The following ZC2HC1B variants were observed in gnomAD, a reference collection of about 807,000 sequenced individuals.
ZC2HC1B encodes the protein zinc finger C2HC-type containing 1B.
A neutral mutation model predicts 31.0 loss-of-function variants in ZC2HC1B; 36 were observed. The ratio of observed to expected loss-of-function variants is 1.16; its 90% CI spans 0.89 to 1.54. The LOEUF (loss-of-function observed/expected upper bound fraction) is 1.54. Among genes scored for constraint, ZC2HC1B ranks in the 40% most tolerant of loss-of-function variants. The probability of loss-of-function intolerance (pLI) is 0.00; values close to 1 mark genes in which losing one functional copy is unlikely to be tolerated. For synonymous variants in ZC2HC1B, 73 were observed against 88.0 expected, an observed-to-expected ratio of 0.83 and a Z score of 0.95; for missense variants, 260 against 268.6, an observed-to-expected ratio of 0.97 and a Z score of 0.22.
rs888087526 is a variant in ZC2HC1B, at chr6:143,872,506, C to T, written c.28+7939C>T. On this transcript the variant is annotated intron_variant, in intron 1 of 7. Transcript: ENST00000237275. The surrounding 1 kb of genome is among the most constrained non-coding windows in gnomAD (Gnocchi z 5.5). ...TGCTGCCACTTGGCCCCTGCCACCTCGGGATCCAAATATTCCCACTATATT... is the reference window on the plus strand; with the variant it reads ...TGCTGCCACTTGGCCCCTGCCACCTTGGGATCCAAATATTCCCACTATATT... Among the ~76,000 whole-genome samples the T allele has an allele frequency of 3.3e-5, 5 of 152,132 alleles. No homozygotes were observed. The highest frequency in any genetic ancestry group is 2.6e-4 in the Admixed American group (4 of 15,278).
At chr6:143,873,643 T>C (rs1777371168) in intron 1 of ZC2HC1B, among the ~76,000 whole-genome samples, 1 of 152,216 alleles carries the variant, frequency 6.6e-6, no homozygotes, top group Non-Finnish European at 1.5e-5. Context: ...ACCCGCAAGC[T>C]CAACACCATA....
rs1431363820 is a variant in ZC2HC1B, at chr6:143,922,063, G to T, written c.599-15586G>T. On this transcript the variant is annotated intron_variant, in intron 6 of 7. Coordinates refer to ENST00000237275, the MANE Select transcript of ZC2HC1B (RefSeq NM_001013623.3). This position sits in a 1 kb window ranked among gnomAD's most constrained non-coding sequence, Gnocchi z 5.0. ...AAGGTGAATCTCTAAAGTGTTTAAG[G>T]ACTTGGAGAAAAGTACCAAATGCCT... is the stretch of plus-strand genomic sequence containing the variant. Among the ~76,000 whole-genome samples the T allele has an allele frequency of 6.6e-6, 1 of 152,170 alleles. No homozygotes were observed. Among genetic ancestry groups the T allele is most frequent in the African/African-American group, 2.4e-5 (1 of 41,438 alleles).
rs1777336306 is a variant in ZC2HC1B at position 143,871,519 on chromosome 6, G to T, written c.28+6952G>T. Among the ~76,000 whole-genome samples the T allele has an allele frequency of 6.6e-6, 1 of 152,242 alleles. No individual in the cohort carries two copies. Among genetic ancestry groups the T allele is most frequent in the Middle Eastern group, 3.4e-3 (1 of 294 alleles). On this transcript the variant is annotated intron_variant, in intron 1 of 7. Transcript: ENST00000237275. This position sits in a 1 kb window ranked among gnomAD's most constrained non-coding sequence, Gnocchi z 4.1. The stretch of plus-strand genomic sequence containing the variant: ...TGGCTCAAACAATGAAACCACATCT[G>T]GTACAGCAGCTGCAGTTGGAGTCAT...
rs1265639752 is a variant in ZC2HC1B at position 143,883,183 on chromosome 6, G to GC, written c.29-1120dup. On this transcript the variant is annotated intron_variant, in intron 1 of 7. Coordinates refer to ENST00000237275, the MANE Select transcript of ZC2HC1B (RefSeq NM_001013623.3). This position sits in a 1 kb window ranked among gnomAD's most constrained non-coding sequence, Gnocchi z 4.1. Reference sequence around the variant, plus strand: ...GCCTCCTGAGTAGCTGGGACCACAGGCGCGAGCCACCAAGCCCAACTAATT... The same window carrying GC: ...GCCTCCTGAGTAGCTGGGACCACAGGCCGCGAGCCACCAAGCCCAACTAATT... Among the ~76,000 whole-genome samples the GC allele has an allele frequency of 6.6e-6, 1 of 152,108 alleles. No individual in the cohort carries two copies. The highest frequency in any genetic ancestry group is 2.4e-5 in the African/African-American group (1 of 41,418).
chr6:143,893,908 G>A (rs1376885270), intron 4 of ZC2HC1B, among the ~76,000 whole-genome samples: 1 of 152,032 alleles, frequency 6.6e-6, no homozygotes, highest in Non-Finnish European at 1.5e-5. Flanking sequence ...GGATGGTCTT[G>A]ATCTCCTGAC....
rs966348960 is a variant in ZC2HC1B, at chr6:143,903,940, A to G, written c.598+788A>G. Reference sequence around the variant, plus strand: ...TTATTTTTAAATGTTCTCCATCTGTAGTTGTTAAATCTGCAGATGTGGAAC... The same window carrying G: ...TTATTTTTAAATGTTCTCCATCTGTGGTTGTTAAATCTGCAGATGTGGAAC... On this transcript the variant is annotated intron_variant, in intron 6 of 7. Coordinates refer to ENST00000237275, the MANE Select transcript of ZC2HC1B (RefSeq NM_001013623.3). The surrounding 1 kb of genome is among the most constrained non-coding windows in gnomAD (Gnocchi z 4.3). Among the ~76,000 whole-genome samples the G allele has an allele frequency of 6.6e-6, 1 of 152,126 alleles. No homozygotes were observed. Among genetic ancestry groups the G allele is most frequent in the African/African-American group, 2.4e-5 (1 of 41,420 alleles).
intron 6 of ZC2HC1B, among the ~76,000 whole-genome samples, chr6:143,907,858 A>G (rs999096283): frequency 1.3e-5 from 2 of 152,126 alleles, no homozygotes; most frequent in Non-Finnish European, 2.9e-5. Context: ...GCCCATGCCT[A>G]TGTTCTGAAT....
In ZC2HC1B at chr6:143,924,349, T is replaced by TTATA. The variant is rs374278907; in HGVS notation, c.599-13288_599-13285dup. 6.7e-6 allele frequency among the ~76,000 whole-genome samples: 1 copy of TTATA among 149,588 alleles called. No individual in the cohort carries two copies. Among genetic ancestry groups the TTATA allele is most frequent in the South Asian group, 2.1e-4 (1 of 4,760 alleles). On this transcript the variant is annotated intron_variant, in intron 6 of 7. Transcript: ENST00000237275. The surrounding 1 kb of genome is among the most constrained non-coding windows in gnomAD (Gnocchi z 5.2). The stretch of plus-strand genomic sequence containing the variant: ...GTGTTTTTGGTGGAGTCTTTAGGTT[T>TTATA]TATATATATATATATGTATTACATA...
chr6:143,864,811 G>A (rs975557343), intron 1 of ZC2HC1B, among the ~76,000 whole-genome samples: 6 of 152,194 alleles, frequency 3.9e-5, no homozygotes, highest in African/African-American at 1.4e-4. Context: ...TGGAGAGAAT[G>A]TATTTAAATG....
chr6:143,900,093 G>C (rs144856607), intron 5 of ZC2HC1B, among the ~76,000 whole-genome samples: 2 of 152,226 alleles, frequency 1.3e-5, no homozygotes, highest in Non-Finnish European at 2.9e-5. Context: ...GAGTACCTAC[G>C]AAAGAGGTAC....
rs1344140697 is a variant in ZC2HC1B, at chr6:143,915,991, C to T, written c.598+12839C>T. On this transcript the variant is annotated intron_variant, in intron 6 of 7. Coordinates refer to ENST00000237275, the MANE Select transcript of ZC2HC1B (RefSeq NM_001013623.3). This position sits in a 1 kb window ranked among gnomAD's most constrained non-coding sequence, Gnocchi z 5.2. Reference sequence around the variant, plus strand: ...AGGTAATGAGGAGCTGAATGTTAGTCCCCAAGACAATGAGGAAAATGTCTC... The same window carrying T: ...AGGTAATGAGGAGCTGAATGTTAGTTCCCAAGACAATGAGGAAAATGTCTC... 6.6e-6 allele frequency among the ~76,000 whole-genome samples: 1 copy of T among 152,162 alleles called. No homozygotes were observed. The highest frequency in any genetic ancestry group is 1.5e-5 in the Non-Finnish European group (1 of 68,032).
At chr6:143,937,002 AAGG>A (rs1778186635) in intron 6 of ZC2HC1B, among the ~76,000 whole-genome samples, 1 of 152,188 alleles carries the variant, frequency 6.6e-6, no homozygotes. Flanking sequence ...ACTGAGTAGA[AAGG>A]AGGCTTCTTA....
At chr6:143,916,665 A>G (rs1294964530) in intron 6 of ZC2HC1B, among the ~76,000 whole-genome samples, 2 of 152,236 alleles carry the variant, frequency 1.3e-5, no homozygotes, top group African/African-American at 2.4e-5. Flanking sequence ...GATGTGAGAT[A>G]TGGAGTCAAA....
intron 6 of ZC2HC1B, among the ~76,000 whole-genome samples, chr6:143,935,806 C>T (rs1778172189): frequency 6.6e-6 from 1 of 151,776 alleles, no homozygotes; most frequent in South Asian, 2.1e-4. Context: ...AGGCATGTAC[C>T]ACCATACCCA....
Position 143,922,596 on chromosome 6 carries a change from G to A in ZC2HC1B, c.599-15053G>A, listed in dbSNP as rs1228509220. ...TGTGATATTTGTCTTTCTGTGTCTG[G>A]CTTAATTCATTTAACAATAATGACC... On this transcript the variant is annotated intron_variant, in intron 6 of 7. Transcript: ENST00000237275. This position sits in a 1 kb window ranked among gnomAD's most constrained non-coding sequence, Gnocchi z 5.0. Among the ~76,000 whole-genome samples the A allele has an allele frequency of 2.0e-5, 3 of 152,032 alleles. No homozygotes were observed. The highest frequency in any genetic ancestry group is 4.4e-5 in the Non-Finnish European group (3 of 67,998).
chr6:143,937,405 T>C (rs548520182), intron 6 of ZC2HC1B, among the ~76,000 whole-genome samples: 10 of 152,202 alleles, frequency 6.6e-5, no homozygotes, highest in African/African-American at 2.4e-4. Context: ...CCAAAGTCCA[T>C]GAATAAACAG....
chr6:143,888,371 A>T (rs147257756), intron 4 of ZC2HC1B, among the ~76,000 whole-genome samples: 1 of 152,048 alleles, frequency 6.6e-6, no homozygotes, highest in South Asian at 2.1e-4. Flanking sequence ...TGTTTTTGCT[A>T]TTCAAGGTCC....
rs1245548806 is a variant in ZC2HC1B at position 143,934,267 on chromosome 6, T to C, written c.599-3382T>C. Among the ~76,000 whole-genome samples, 1 of 152,212 alleles carries C rather than the reference T, an allele frequency of 6.6e-6. No homozygotes were observed. Among genetic ancestry groups the C allele is most frequent in the Non-Finnish European group, 1.5e-5 (1 of 68,042 alleles). On this transcript the variant is annotated intron_variant, in intron 6 of 7. Transcript: ENST00000237275. This position sits in a 1 kb window ranked among gnomAD's most constrained non-coding sequence, Gnocchi z 4.6. Reference sequence around the variant, plus strand: ...TCAAAGGATCTGTGATTTCTTTTGTTTTTCCTGGTATGCTCCTGCAGTTGT... The same window carrying C: ...TCAAAGGATCTGTGATTTCTTTTGTCTTTCCTGGTATGCTCCTGCAGTTGT...
chr6:143,892,099 G>C (rs936267655), intron 4 of ZC2HC1B, among the ~76,000 whole-genome samples: 3 of 152,110 alleles, frequency 2.0e-5, no homozygotes, highest in African/African-American at 4.8e-5. Flanking sequence ...ACCTGAGGCT[G>C]GGTAATTTAT....
Sources: gnomAD v4.1 joint callset for allele counts (sites outside exome capture counted in the v4.1 genomes callset) on GRCh38, gnomAD v4.1.1 for gene constraint, Gnocchi (gnomAD v3.1) non-coding constraint, MANE v1.5 for transcripts, NCBI Gene and HGNC (gene_info 2026-07-23, HGNC 2026-07-21) for gene names.